The following LRRC53 variants were observed in gnomAD, a reference collection of about 807,000 sequenced individuals.
LRRC53 encodes the protein leucine-rich repeat-containing protein 53.
LRRC53 carries 25 observed loss-of-function variants against 13.6 expected under a neutral mutation model. The ratio of observed to expected loss-of-function variants is 1.83; its 90% CI spans 1.34 to 2.56. LRRC53 has a LOEUF of 2.56. LRRC53 is among the 30% of genes most tolerant of loss of function. The probability of loss-of-function intolerance (pLI) is 0.00; values close to 1 mark genes in which losing one functional copy is unlikely to be tolerated. For synonymous variants in LRRC53, 204 were observed against 109.8 expected, an observed-to-expected ratio of 1.86 and a Z score of -5.37; for missense variants, 527 against 275.8, an observed-to-expected ratio of 1.91 and a Z score of -6.45.
the LRRC53 span, among the ~76,000 whole-genome samples, chr1:74,533,992 G>A: frequency 2.6e-5 from 4 of 152,134 alleles, no homozygotes; most frequent in Admixed American, 6.6e-5. Flanking sequence ...CAAGTCATTC[G>A]AACTTTCTGA....
At chr1:74,507,857 G>A (rs552451383) in intron 1 of LRRC53, among the ~76,000 whole-genome samples, 43 of 152,288 alleles carry the variant, frequency 2.8e-4, no homozygotes, top group East Asian at 1.5e-3. Flanking sequence ...TTGAAGCAGC[G>A]TTTGTATTTT....
chr1:74,471,619 C>T lies in LRRC53; in HGVS notation c.2003G>A (p.Ser668Asn). The change falls in exon 5 of 5, where the codon AGT (serine) becomes AAT (asparagine). Residue 668 changes from serine (S) to asparagine (N), a missense_variant. Transcript: ENST00000294635. ...STPWKRQKNQ[S>N]NQLTKLDVKK... ...AACATCCAACTTAGTCAGTTGGTTA[C>T]TTTGATTTTTCTGTCGTTTCCAAGG... is the stretch of plus-strand genomic sequence containing the variant. 1 of 400,662 alleles carries T rather than the reference C, an allele frequency of 2.5e-6. No individual in the cohort carries two copies. Among genetic ancestry groups the T allele is most frequent in the Non-Finnish European group, 4.4e-6 (1 of 226,216 alleles). The allele number at this position is 400,662 out of a possible 1,614,324, so 24.8% of individuals were successfully genotyped here. A position where few individuals can be genotyped will look rare whatever the true frequency, so the allele number is the denominator to read the frequency against.
At chr1:74,528,564 A>G in the LRRC53 span, among the ~76,000 whole-genome samples, 1 of 152,186 alleles carries the variant, frequency 6.6e-6, no homozygotes, top group Admixed American at 6.5e-5. Context: ...AAGTAAATAT[A>G]TTTAGGATAA....
chr1:74,507,221 T>TCCCC (rs145167420), intron 1 of LRRC53, among the ~76,000 whole-genome samples: 20 of 85,916 alleles, frequency 2.3e-4, no homozygotes, highest in Admixed American at 1.1e-3. Flanking sequence ...TTAAATTTCT[T>TCCCC]CACCCCCCCC....
chr1:74,514,248 G>T (rs1002827889), upstream of LRRC53, among the ~76,000 whole-genome samples: 1 of 152,154 alleles, frequency 6.6e-6, no homozygotes, highest in Non-Finnish European at 1.5e-5. Flanking sequence ...TGACCAAAAT[G>T]CTAGGAGCAA....
intron 1 of LRRC53, among the ~76,000 whole-genome samples, chr1:74,483,764 G>A (rs1434032342): frequency 6.6e-6 from 1 of 152,074 alleles, no homozygotes; most frequent in Non-Finnish European, 1.5e-5. Context: ...AAATCACATA[G>A]CGGGTAGGTA....
At chr1:74,528,398 G>A in the LRRC53 span, among the ~76,000 whole-genome samples, 1 of 152,128 alleles carries the variant, frequency 6.6e-6, no homozygotes, top group Non-Finnish European at 1.5e-5. Flanking sequence ...GAATAGGCGG[G>A]TAGGTGTCAG....
chr1:74,493,213 G>C (rs1281681979), intron 1 of LRRC53, among the ~76,000 whole-genome samples: 1 of 152,162 alleles, frequency 6.6e-6, no homozygotes, highest in Non-Finnish European at 1.5e-5. Flanking sequence ...AGGGAGGAGG[G>C]AGAAATTGGG....
chr1:74,473,701 G>A (rs895687446), intron 4 of LRRC53, among the ~76,000 whole-genome samples: 8 of 151,958 alleles, frequency 5.3e-5, no homozygotes, highest in East Asian at 3.9e-4. Context: ...AAGATCTGCC[G>A]TCAACATTCT....
At chr1:74,532,796 G>C in the LRRC53 span, among the ~76,000 whole-genome samples, 3 of 151,904 alleles carry the variant, frequency 2.0e-5, no homozygotes, top group Non-Finnish European at 2.9e-5. Context: ...ACAAACCTGA[G>C]AAAAACAAGC....
the LRRC53 span, among the ~76,000 whole-genome samples, chr1:74,527,806 G>C: frequency 6.6e-6 from 1 of 152,186 alleles, no homozygotes; most frequent in Non-Finnish European, 1.5e-5. Context: ...CATTGGACAG[G>C]GCTGAGTAAG....
chr1:74,493,371 T>C (rs973531167), intron 1 of LRRC53, among the ~76,000 whole-genome samples: 1 of 152,086 alleles, frequency 6.6e-6, no homozygotes, highest in East Asian at 1.9e-4. Flanking sequence ...GAACTTTACC[T>C]CGATGAAAAC....
At chr1:74,500,335 C>CA in intron 1 of LRRC53, among the ~76,000 whole-genome samples, 1 of 151,870 alleles carries the variant, frequency 6.6e-6, no homozygotes, top group East Asian at 1.9e-4. Context: ...TCCATAAATG[C>CA]ACCTTTAAAA....
At chr1:74,534,146 T>C in the LRRC53 span, among the ~76,000 whole-genome samples, 1 of 152,184 alleles carries the variant, frequency 6.6e-6, no homozygotes, top group Admixed American at 6.6e-5. Context: ...CAATTATTAT[T>C]ATTATATCAT....
intron 1 of LRRC53, among the ~76,000 whole-genome samples, chr1:74,494,640 G>A (rs1244127668): frequency 6.6e-6 from 1 of 152,162 alleles, no homozygotes; most frequent in African/African-American, 2.4e-5. Context: ...AGTCACCTGA[G>A]GTTTGTCCAC....
At chr1:74,478,510 A>G (rs1668319181) in intron 3 of LRRC53, among the ~76,000 whole-genome samples, 1 of 152,234 alleles carries the variant, frequency 6.6e-6, no homozygotes, top group African/African-American at 2.4e-5. Flanking sequence ...TTGCTCTATT[A>G]TAATATTTCC....
chr1:74,480,783 G>T lies in LRRC53; in HGVS notation c.274C>A (p.Gln92Lys). The T allele has an allele frequency of 1.4e-6, 1 of 717,554 alleles. No homozygotes were observed. Among genetic ancestry groups the T allele is most frequent in the Non-Finnish European group, 2.6e-6 (1 of 385,098 alleles). The allele number at this position is 717,554 out of a possible 1,614,324, so 44.4% of individuals were successfully genotyped here. A position where few individuals can be genotyped will look rare whatever the true frequency, so the allele number is the denominator to read the frequency against. ...TCAGTGAGCGAAGAGCTGGATATTT[G>T]GTTGTGCTCCAGCAACAAGGTCCGC... is the stretch of plus-strand genomic sequence containing the variant. ...MLRTLLLEHNQISSSSLTDHT... is the reference protein window; with the variant it reads ...MLRTLLLEHNKISSSSLTDHT... Residue 92 changes from glutamine to lysine, a missense_variant, in exon 3 of 5, where the codon CAA becomes AAA. By Grantham distance (53) the Gln-to-Lys change is moderately conservative. Coordinates refer to ENST00000294635, the MANE Select transcript of LRRC53 (RefSeq NM_001382280.1).
chr1:74,495,475 G>A (rs1274920381), intron 1 of LRRC53, among the ~76,000 whole-genome samples: 1 of 152,126 alleles, frequency 6.6e-6, no homozygotes, highest in Non-Finnish European at 1.5e-5. Context: ...TCAATAAACA[G>A]GAATTATTTT....
the LRRC53 span, among the ~76,000 whole-genome samples, chr1:74,521,694 T>G: frequency 6.6e-6 from 1 of 152,000 alleles, no homozygotes; most frequent in Non-Finnish European, 1.5e-5. Context: ...TCTCGCAGAG[T>G]TGGTGAACAA....
Sources: gnomAD v4.1 joint callset for allele counts (sites outside exome capture counted in the v4.1 genomes callset) on GRCh38, gnomAD v4.1.1 for gene constraint, MANE v1.5 for transcripts, NCBI Gene and HGNC (gene_info 2026-07-23, HGNC 2026-07-21) for gene names.